MGAT5: variants seen among roughly 807,000 people sequenced by gnomAD.
MGAT5 encodes the protein alpha-1,6-mannosylglycoprotein 6-beta-N-acetylglucosaminyltransferase.
MGAT5 carries 30 observed loss-of-function variants against 94.3 expected under a neutral mutation model. The ratio of observed to expected loss-of-function variants is 0.32; its 90% confidence interval spans 0.24 to 0.43. The LOEUF (loss-of-function observed/expected upper bound fraction) is 0.43, where lower values mean the gene tolerates loss of function less well. Ranked by LOEUF, MGAT5 falls within the 20% of genes least tolerant of loss-of-function variation. The pLI is 1.00. For synonymous variants in MGAT5, 310 were observed against 322.9 expected (o/e 0.96, Z 0.43); for missense variants, 691 against 905.5 (o/e 0.76, Z 3.04).
chr2:134,358,765 G>T (rs1296365375), intron 9 of MGAT5, among the ~76,000 whole-genome samples: 1 of 152,250 alleles, frequency 6.6e-6, no homozygotes, highest in Admixed American at 6.5e-5. Flanking sequence ...ATGATATTAT[G>T]ACTGCTTGGT....
intron 1 of MGAT5, among the ~76,000 whole-genome samples, chr2:134,193,676 TGTGTG>T (rs1223446983): frequency 1.7e-4 from 1 of 5,768 alleles, no homozygotes; most frequent in Non-Finnish European, 3.1e-4. Context: ...CCCAAATCTT[TGTGTG>T]TGTGTGTGTG....
At chr2:134,301,267 G>A (rs1445353806) in intron 2 of MGAT5, among the ~76,000 whole-genome samples, 1 of 152,084 alleles carries the variant, frequency 6.6e-6, no homozygotes, top group Non-Finnish European at 1.5e-5. Context: ...TGGTTTATCT[G>A]TTTTCCTGAT....
Position 134,152,899 on chromosome 2 carries a change from CT to C in MGAT5, c.-143+32630del, listed in dbSNP as rs35135371. On this transcript the variant is annotated intron_variant, in intron 1 of 16. Transcript: ENST00000409645. The stretch of plus-strand genomic sequence containing the variant: ...ATACCCTTTCCAGGCATGGAGTCCA[CT>C]TTTTTTTTTTTTTTTTTTTTTGAGA... Among the ~76,000 whole-genome samples, 844 of 117,186 alleles carry C rather than the reference CT, an allele frequency of 7.2e-3. 2 individuals carry two copies. The highest frequency in any genetic ancestry group is 0.027 in the African/African-American group (762 of 28,478). The allele number at this position is 117,186 out of a possible 152,430, so 76.9% of individuals were successfully genotyped here.
intron 4 of MGAT5, among the ~76,000 whole-genome samples, chr2:134,333,468 A>G (rs1358245060): frequency 6.6e-5 from 10 of 150,650 alleles, no homozygotes; most frequent in Admixed American, 6.6e-4. Context: ...TAGCATTAGG[A>G]GATATATCTA....
Position 134,441,976 on chromosome 2 carries a change from T to C in MGAT5, c.2027+61T>C, listed in dbSNP as rs1291369133. On this transcript the variant is annotated intron_variant, in intron 15 of 15. Coordinates refer to ENST00000281923, the MANE Select transcript of MGAT5 (RefSeq NM_002410.5). ...CTAGACTCCAGCTGGCCTTGTTGGG[T>C]AGTCAGGTGAGAGGTACAGGTTTCC... is the stretch of plus-strand genomic sequence containing the variant. The C allele has an allele frequency of 1.9e-6, 3 of 1,574,360 alleles. No individual in the cohort carries two copies. In the Admixed American group the frequency reaches 5.1e-5, roughly 27 times the overall value.
At chr2:134,253,567 C>T (rs181908067), upstream of MGAT5, among the ~76,000 whole-genome samples, 97 of 152,310 alleles carry the variant, frequency 6.4e-4, no homozygotes, top group African/African-American at 2.2e-3. Flanking sequence ...AGGTGTTCCA[C>T]ATTTCTTGTG....
In MGAT5 at chr2:134,321,096, G is replaced by T. The variant is rs569580682; in HGVS notation, c.573+2357G>T. ...CATTTATATGAGTTTCTGGCTTCCG[G>T]CTTGGGTGGCTTGTGGCCTGCCTTC... On this transcript the variant is annotated intron_variant, in intron 4 of 15. Coordinates refer to ENST00000281923, the MANE Select transcript of MGAT5 (RefSeq NM_002410.5). Among the ~76,000 whole-genome samples the T allele has an allele frequency of 2.2e-4, 33 of 152,246 alleles. No individual in the cohort carries two copies. In the South Asian group the frequency reaches 6.4e-3, roughly 30 times the overall value.
intron 1 of MGAT5, among the ~76,000 whole-genome samples, chr2:134,167,393 C>T (rs894869168): frequency 6.6e-6 from 1 of 152,124 alleles, no homozygotes; most frequent in Non-Finnish European, 1.5e-5. Context: ...AGCGTGTTGG[C>T]AGTGGTTCTC....
intron 1 of MGAT5, among the ~76,000 whole-genome samples, chr2:134,223,859 TCA>T (rs1680916197): frequency 1.3e-5 from 2 of 152,216 alleles, no homozygotes; most frequent in South Asian, 4.1e-4. Flanking sequence ...TATTTTAGTT[TCA>T]GTCTTGGTAA....
intron 1 of MGAT5, among the ~76,000 whole-genome samples, chr2:134,152,739 T>A (rs1007783913): frequency 2.0e-5 from 3 of 152,206 alleles, no homozygotes; most frequent in African/African-American, 7.2e-5. Flanking sequence ...TTCTTAGTTT[T>A]AAAAGAAAAG....
chr2:134,297,272 A>T (rs2105803725), intron 2 of MGAT5, among the ~76,000 whole-genome samples: 1 of 151,896 alleles, frequency 6.6e-6, no homozygotes, highest in Admixed American at 6.6e-5. Context: ...AACTTTTCCT[A>T]CAAAGAAAAA....
At position 134,157,994 on chromosome 2, in the gene MGAT5, G is replaced by A. The variant is rs79514298; in HGVS notation, c.-143+37703G>A. Among the ~76,000 whole-genome samples the A allele has an allele frequency of 1.8e-3, 271 of 152,358 alleles. 4 individuals carry two copies. In the East Asian group the frequency reaches 0.045, roughly 25 times the overall value. On this transcript the variant is annotated intron_variant, in intron 1 of 16. Transcript: ENST00000409645. ...CCACAGTGGGTAGCTTGTCTCTGCG[G>A]ACAGGTTGTTCTGATATCTGGCCGA...
chr2:134,249,901 A>G (rs973434692), upstream of MGAT5, among the ~76,000 whole-genome samples: 34 of 152,314 alleles, frequency 2.2e-4, no homozygotes, highest in African/African-American at 5.5e-4. Context: ...GAGGGTTCCA[A>G]TTTCTCCACA....
At chr2:134,446,412 C>G (rs1685776662) in intron 15 of MGAT5, among the ~76,000 whole-genome samples, 1 of 151,902 alleles carries the variant, frequency 6.6e-6, no homozygotes, top group Non-Finnish European at 1.5e-5. Context: ...TTAAGTAAAG[C>G]CACAGCAGCT....
intron 4 of MGAT5, among the ~76,000 whole-genome samples, chr2:134,322,646 A>T (rs148020540): frequency 1.4e-4 from 22 of 152,246 alleles, no homozygotes; most frequent in African/African-American, 5.3e-4. Context: ...CCTTTTTAGT[A>T]TTTTTAAAAT....
chr2:134,254,612 A>C lies in MGAT5; in HGVS notation c.209A>C (p.Asp70Ala), dbSNP rs1167816564. 6.2e-7 allele frequency: 1 copy of C among 1,614,198 alleles called. No homozygotes were observed. Among genetic ancestry groups the C allele is most frequent in the Non-Finnish European group, 8.5e-7 (1 of 1,180,034 alleles). Reference sequence around the variant, plus strand: ...GCAGAAGAAAACAGGAATGTGGTGGATGGGCCATACGCTGGAGTCATGACA... The same window carrying C: ...GCAGAAGAAAACAGGAATGTGGTGGCTGGGCCATACGCTGGAGTCATGACA... ...ALAEENRNVV[D>A]GPYAGVMTAY... The change falls in exon 1 of 16, where the codon GAT (aspartate) becomes GCT (alanine). Residue 70 changes from aspartate (D) to alanine (A), a missense_variant. This residue lies in a region of MGAT5 where 307 missense variants were observed against 335.4 expected (regional missense o/e 0.92). Transcript: ENST00000281923.
intron 1 of MGAT5, among the ~76,000 whole-genome samples, chr2:134,217,436 G>A (rs1467083111): frequency 5.3e-5 from 8 of 152,116 alleles, no homozygotes; most frequent in Non-Finnish European, 1.2e-4. Context: ...GGCTCACGGG[G>A]CTTAATCTGC....
chr2:134,358,286 G>A (rs1679878442), intron 9 of MGAT5, among the ~76,000 whole-genome samples: 1 of 150,804 alleles, frequency 6.6e-6, no homozygotes, highest in Non-Finnish European at 1.5e-5. Context: ...TGATCCACAA[G>A]CTTAGAAAAA....
chr2:134,196,850 G>T (rs75507934), intron 1 of MGAT5, among the ~76,000 whole-genome samples: 1,643 of 152,294 alleles, frequency 0.011, 31 homozygotes, highest in African/African-American at 0.038. Context: ...AACATTGGCT[G>T]CCCCTAGTTT....
Sources: gnomAD v4.1 joint callset for allele counts (sites outside exome capture counted in the v4.1 genomes callset) on GRCh38, gnomAD v4.1.1 for gene constraint, gnomAD v4.1.1 regional missense constraint, MANE v1.5 for transcripts, NCBI Gene and HGNC (gene_info 2026-07-23, HGNC 2026-07-21) for gene names.